Variants in MAMDC2 observed in about 807,000 individuals in gnomAD.
The protein encoded by MAMDC2 is MAM domain containing 2.
A neutral mutation model predicts 89.8 loss-of-function variants in MAMDC2; 57 were observed. That is an observed-to-expected ratio of 0.63 (90% CI 0.51 to 0.79). The LOEUF is 0.79. Among genes scored for constraint, MAMDC2 ranks in the 30% least tolerant of loss-of-function variants. MAMDC2 has a pLI of 0.00. For missense variants in MAMDC2, 800 were observed against 820.6 expected (o/e 0.97, Z 0.31); for synonymous variants, 313 against 293.4 (o/e 1.07, Z -0.68).
chr9:70,163,848 G>A (rs562685828), intron 9 of MAMDC2, among the ~76,000 whole-genome samples: 284 of 151,412 alleles, frequency 1.9e-3, no homozygotes, highest in African/African-American at 6.6e-3. Flanking sequence ...CAACTATTTG[G>A]GAGGCTGAAG....
chr9:70,157,392 T>G (rs981807151), intron 9 of MAMDC2: 1 of 152,182 alleles, frequency 6.6e-6, no homozygotes, highest in African/African-American at 2.4e-5. Flanking sequence ...TAATAAAGAC[T>G]CTCTAATTTC....
chr9:70,206,069 A>G (rs577233470), intron 11 of MAMDC2, among the ~76,000 whole-genome samples: 1 of 152,366 alleles, frequency 6.6e-6, no homozygotes, highest in South Asian at 2.1e-4. Flanking sequence ...TGTTAAAATT[A>G]TGTTTAGGTA....
chr9:70,126,089 T>C (rs1413891084), intron 5 of MAMDC2, 70 bp from the exon 6 acceptor site: 6 of 1,463,656 alleles, frequency 4.1e-6, no homozygotes, highest in Non-Finnish European at 5.6e-6. Flanking sequence ...AATCACACCA[T>C]TTCGCCTGAA....
intron 2 of MAMDC2, among the ~76,000 whole-genome samples, chr9:70,075,094 G>A (rs542873592): frequency 6.6e-6 from 1 of 152,298 alleles, no homozygotes; most frequent in East Asian, 1.9e-4. Flanking sequence ...ACAACGTTTA[G>A]CTCACTGAAT....
intron 2 of MAMDC2, among the ~76,000 whole-genome samples, chr9:70,078,522 AAC>A (rs1827585867): frequency 6.6e-6 from 1 of 152,236 alleles, no homozygotes; most frequent in South Asian, 2.1e-4. Flanking sequence ...GGAGTGAACT[AAC>A]ACAAAGTTAG....
rs2118271095 is a variant in MAMDC2, at chr9:70,111,298, G to A, written c.505+1494G>A. On this transcript the variant is annotated intron_variant, in intron 4 of 13. Coordinates refer to ENST00000377182, the MANE Select transcript of MAMDC2 (RefSeq NM_153267.5). ...GTTATGAAAATAATTGGTATATACA[G>A]TGCTGGACATCCAAAACATGTTAAT... 1.3e-5 allele frequency among the ~76,000 whole-genome samples: 2 copies of A among 152,358 alleles called. 1 individual carries two copies. Among genetic ancestry groups the A allele is most frequent in the South Asian group, 4.1e-4 (2 of 4,830 alleles).
At chr9:70,086,048 C>A (rs568849590) in intron 2 of MAMDC2, 1 of 152,038 alleles carries the variant, frequency 6.6e-6, no homozygotes, top group Non-Finnish European at 1.5e-5. Context: ...ACTTTAGTCC[C>A]ATTCACAATT....
intron 11 of MAMDC2, among the ~76,000 whole-genome samples, chr9:70,199,421 G>A (rs1332051603): frequency 1.4e-5 from 2 of 147,838 alleles, no homozygotes; most frequent in Non-Finnish European, 3.0e-5. Context: ...TGGTGTATAT[G>A]TGCCACATTT....
intron 5 of MAMDC2, among the ~76,000 whole-genome samples, chr9:70,114,786 G>A (rs962130375): frequency 3.3e-5 from 5 of 152,146 alleles, no homozygotes; most frequent in Non-Finnish European, 7.3e-5. Context: ...ACCACAAATG[G>A]ATGTTAACAA....
rs530583495 is a variant in MAMDC2 at position 70,210,589 on chromosome 9, G to T, written c.1652-7748G>T. On this transcript the variant is annotated intron_variant, in intron 11 of 13. Coordinates refer to ENST00000377182, the MANE Select transcript of MAMDC2 (RefSeq NM_153267.5). Reference sequence around the variant, plus strand: ...TGATGGGTCTTGACTCTTTATCCAAGTTGCCAGTCTGTGTCTTTTAATTGG... The same window carrying T: ...TGATGGGTCTTGACTCTTTATCCAATTTGCCAGTCTGTGTCTTTTAATTGG... Among the ~76,000 whole-genome samples, 389 of 152,178 alleles carry T rather than the reference G, an allele frequency of 2.6e-3. 7 individuals are homozygous for T. The East Asian group carries it at 0.049, about 19-fold the overall frequency.
chr9:70,114,076 A>G (rs563262605), intron 5 of MAMDC2, among the ~76,000 whole-genome samples: 1 of 151,520 alleles, frequency 6.6e-6, no homozygotes, highest in Admixed American at 6.6e-5. Flanking sequence ...GAATATATTT[A>G]ACCATGTCTC....
At chr9:70,172,068 A>G (rs1313034376) in intron 11 of MAMDC2, 1 of 152,222 alleles carries the variant, frequency 6.6e-6, no homozygotes, top group East Asian at 1.9e-4. Flanking sequence ...TTTTTCTATC[A>G]TTCTTCAAAC....
At chr9:70,204,624 C>A (rs2033179485) in intron 11 of MAMDC2, among the ~76,000 whole-genome samples, 1 of 151,726 alleles carries the variant, frequency 6.6e-6, no homozygotes, top group Non-Finnish European at 1.5e-5. Flanking sequence ...CCTAAGCAAG[C>A]CTGGGCAATG....
chr9:70,056,293 G>A (rs114364044), intron 2 of MAMDC2, among the ~76,000 whole-genome samples: 1,608 of 152,242 alleles, frequency 0.011, 33 homozygotes, highest in African/African-American at 0.036. Flanking sequence ...GAATTTTCTC[G>A]TGAAGTATGT....
chr9:70,137,503 C>T (rs1363470718), intron 7 of MAMDC2, among the ~76,000 whole-genome samples: 4 of 152,156 alleles, frequency 2.6e-5, no homozygotes, highest in African/African-American at 9.7e-5. Context: ...ATGTGTTCTT[C>T]TGGACCAAGA....
intron 5 of MAMDC2, among the ~76,000 whole-genome samples, chr9:70,125,091 G>T (rs916496479): frequency 5.9e-5 from 9 of 152,142 alleles, no homozygotes; most frequent in African/African-American, 2.2e-4. Flanking sequence ...AAACAGAAAG[G>T]GCATTCTGTT....
chr9:70,148,844 A>G lies in MAMDC2; in HGVS notation c.1404+5025A>G, dbSNP rs1314574956. 2.0e-5 allele frequency among the ~76,000 whole-genome samples: 3 copies of G among 149,704 alleles called. 1 individual carries two copies. The highest frequency in any genetic ancestry group is 4.5e-5 in the Non-Finnish European group (3 of 67,386). On this transcript the variant is annotated intron_variant, in intron 9 of 13. Coordinates refer to ENST00000377182, the MANE Select transcript of MAMDC2 (RefSeq NM_153267.5). ...GGAGATCGAGACCATCCTGGCTAACATGGTGAAACCCCGTGTCTACTAAAA... is the reference window on the plus strand; with the variant it reads ...GGAGATCGAGACCATCCTGGCTAACGTGGTGAAACCCCGTGTCTACTAAAA...
chr9:70,112,384 TATC>T (rs1168645678), intron 4 of MAMDC2, among the ~76,000 whole-genome samples: 1 of 152,174 alleles, frequency 6.6e-6, no homozygotes, highest in Non-Finnish European at 1.5e-5. Context: ...ACCTAGGATA[TATC>T]TGCCCCACCT....
intron 6 of MAMDC2, among the ~76,000 whole-genome samples, chr9:70,127,085 T>A (rs1000673118): frequency 3.9e-5 from 6 of 152,200 alleles, no homozygotes; most frequent in African/African-American, 1.4e-4. Flanking sequence ...TCTACTATCT[T>A]TTCGACCTTT....
Sources: gnomAD v4.1 joint callset for allele counts (sites outside exome capture counted in the v4.1 genomes callset) on GRCh38, gnomAD v4.1.1 for gene constraint, MANE v1.5 for transcripts, NCBI Gene and HGNC (gene_info 2026-07-23, HGNC 2026-07-21) for gene names.